DNAJC6: variants seen among roughly 807,000 people sequenced by gnomAD.
DNAJC6 encodes DnaJ heat shock protein family (Hsp40) member C6, also known as auxilin.
Under a neutral mutation model 110.0 loss-of-function variants are expected in DNAJC6, and 34 were observed. The observed-to-expected ratio is 0.31, with a 90% CI of 0.24 to 0.41. The LOEUF (loss-of-function observed/expected upper bound fraction) is 0.41. Ranked by LOEUF, DNAJC6 falls within the 10% of genes least tolerant of loss-of-function variation. The pLI, the probability that DNAJC6 is intolerant of heterozygous loss-of-function variation, is 1.00. For missense variants in DNAJC6, 1,031 were observed against 1,207.8 expected (o/e 0.85, Z 2.17); for synonymous variants, 406 against 437.2 (o/e 0.93, Z 0.89).
intron 1 of DNAJC6, among the ~76,000 whole-genome samples, chr1:65,282,538 G>A (rs1653886209): frequency 6.6e-6 from 1 of 152,120 alleles, no homozygotes; most frequent in African/African-American, 2.4e-5. Flanking sequence ...TTGAGGCTGG[G>A]GTTAGGCTCT....
intron 17 of DNAJC6, among the ~76,000 whole-genome samples, chr1:65,409,263 G>C (rs1646105245): frequency 6.6e-6 from 1 of 152,204 alleles, no homozygotes; most frequent in African/African-American, 2.4e-5. Flanking sequence ...TAAAAGGCAT[G>C]ATAGTAGATT....
intron 1 of DNAJC6, among the ~76,000 whole-genome samples, chr1:65,331,121 A>G (rs1432324982): frequency 2.0e-5 from 3 of 150,040 alleles, no homozygotes; most frequent in Non-Finnish European, 4.4e-5. Flanking sequence ...CCTAAGAAGA[A>G]CAAGGAGGGG....
At chr1:65,329,235 C>A (rs1159475156) in intron 1 of DNAJC6, among the ~76,000 whole-genome samples, 4 of 152,186 alleles carry the variant, frequency 2.6e-5, no homozygotes, top group Non-Finnish European at 5.9e-5. Flanking sequence ...CTTCTACCTG[C>A]TGATGGTTCC....
At chr1:65,347,700 C>T (rs767715317) in intron 1 of DNAJC6, among the ~76,000 whole-genome samples, 5 of 151,962 alleles carry the variant, frequency 3.3e-5, no homozygotes, top group Non-Finnish European at 4.4e-5. Context: ...GTCTCCCCTC[C>T]CCTCAACACT....
At chr1:65,343,784 T>C (rs1044127392) in intron 1 of DNAJC6, among the ~76,000 whole-genome samples, 1 of 152,074 alleles carries the variant, frequency 6.6e-6, no homozygotes, top group African/African-American at 2.4e-5. Context: ...TGTATAGATC[T>C]ATGGTAAGAG....
chr1:65,286,083 C>T (rs1311532290), intron 1 of DNAJC6, among the ~76,000 whole-genome samples: 1 of 152,186 alleles, frequency 6.6e-6, no homozygotes, highest in Non-Finnish European at 1.5e-5. Flanking sequence ...CTCTACCTCC[C>T]TGCCCCAGCA....
intron 1 of DNAJC6, among the ~76,000 whole-genome samples, chr1:65,295,528 A>C (rs1171574552): frequency 6.6e-6 from 1 of 152,230 alleles, no homozygotes; most frequent in Non-Finnish European, 1.5e-5. Context: ...TTCCCAGAAA[A>C]AGGGACCATT....
chr1:65,388,941 G>A (rs1220088120), intron 9 of DNAJC6, among the ~76,000 whole-genome samples: 1 of 152,182 alleles, frequency 6.6e-6, no homozygotes, highest in Non-Finnish European at 1.5e-5. Flanking sequence ...CAAGGGCTCA[G>A]GACAGTGGCT....
intron 1 of DNAJC6, among the ~76,000 whole-genome samples, chr1:65,299,824 C>T (rs1223325258): frequency 2.0e-5 from 3 of 151,822 alleles, no homozygotes; most frequent in Non-Finnish European, 4.4e-5. Context: ...CCGAGGTAGG[C>T]GGATCACCTG....
chr1:65,339,638 C>G (rs962449043), intron 1 of DNAJC6, among the ~76,000 whole-genome samples: 3 of 152,182 alleles, frequency 2.0e-5, no homozygotes, highest in Admixed American at 2.0e-4. Context: ...TCTTCTTTGA[C>G]TCACCCCATC....
intron 1 of DNAJC6, among the ~76,000 whole-genome samples, chr1:65,289,298 C>T (rs915766253): frequency 1.3e-5 from 2 of 152,034 alleles, no homozygotes; most frequent in African/African-American, 4.8e-5. Context: ...CAGGTTCAAG[C>T]GATTCTCCTG....
chr1:65,334,384 A>G (rs1481823568), intron 1 of DNAJC6, among the ~76,000 whole-genome samples: 1 of 152,242 alleles, frequency 6.6e-6, no homozygotes, highest in Non-Finnish European at 1.5e-5. Context: ...CAGGCTACTG[A>G]GGAAAATACA....
intron 1 of DNAJC6, among the ~76,000 whole-genome samples, chr1:65,352,083 A>G (rs980254427): frequency 6.6e-6 from 1 of 152,160 alleles, no homozygotes; most frequent in African/African-American, 2.4e-5. Context: ...CATTTTCAAT[A>G]TGTAGTTTTA....
chr1:65,344,317 G>A (rs866558058), intron 1 of DNAJC6, among the ~76,000 whole-genome samples: 4 of 152,154 alleles, frequency 2.6e-5, no homozygotes, highest in Non-Finnish European at 5.9e-5. Context: ...ATGCACATGT[G>A]TGTATTTCAT....
At chr1:65,296,160 G>C (rs1045864898) in intron 1 of DNAJC6, among the ~76,000 whole-genome samples, 2 of 152,164 alleles carry the variant, frequency 1.3e-5, no homozygotes, top group African/African-American at 4.8e-5. Flanking sequence ...GTCATACTCT[G>C]TTATTCATAA....
chr1:65,318,089 G>T, intron 1 of DNAJC6, among the ~76,000 whole-genome samples: 1 of 152,142 alleles, frequency 6.6e-6, no homozygotes, highest in Non-Finnish European at 1.5e-5. Context: ...GCTTGAGGAG[G>T]TTGGACTTTA....
intron 1 of DNAJC6, among the ~76,000 whole-genome samples, chr1:65,331,660 A>G (rs1023439422): frequency 6.6e-6 from 1 of 152,132 alleles, no homozygotes; most frequent in Non-Finnish European, 1.5e-5. Context: ...ATAACCAGAC[A>G]TTTCTAATTA....
rs570209474 is a variant in DNAJC6, at chr1:65,360,035, C to T, written c.194-4600C>T. Among the ~76,000 whole-genome samples, 8 of 152,280 alleles carry T rather than the reference C, an allele frequency of 5.3e-5. No individual in the cohort carries two copies. The South Asian group carries it at 8.3e-4, about 16-fold the overall frequency. ...TCCAGTTTGTTACCCCTTGATCTAC[C>T]GTGGTCATTGTTTGTCTTCTGCATT... On this transcript the variant is annotated intron_variant, in intron 1 of 18. Coordinates refer to ENST00000371069, the MANE Select transcript of DNAJC6 (RefSeq NM_001256864.2).
chr1:65,378,591 A>G (rs1173194236), intron 4 of DNAJC6, among the ~76,000 whole-genome samples: 1 of 152,236 alleles, frequency 6.6e-6, no homozygotes, highest in Non-Finnish European at 1.5e-5. Context: ...TTTCTTAGCT[A>G]GATTAGTAAG....
Sources: gnomAD v4.1 joint callset for allele counts (sites outside exome capture counted in the v4.1 genomes callset) on GRCh38, gnomAD v4.1.1 for gene constraint, MANE v1.5 for transcripts, NCBI Gene and HGNC (gene_info 2026-07-23, HGNC 2026-07-21) for gene names.